SIK3: variants seen among roughly 807,000 people sequenced by gnomAD.
SIK3 encodes SIK family kinase 3.
In SIK3, 28 loss-of-function variants were observed where a neutral mutation model predicts 144.2. The observed-to-expected ratio is 0.19, with a 90% confidence interval of 0.14 to 0.27. The LOEUF (loss-of-function observed/expected upper bound fraction) is 0.27, where lower values mean the gene tolerates loss of function less well. Among genes scored for constraint, SIK3 ranks in the 10% least tolerant of loss-of-function variants. The pLI, the probability that SIK3 is intolerant of heterozygous loss-of-function variation, is 1.00. For missense variants in SIK3, 1,319 were observed against 1,776.0 expected, an observed-to-expected ratio of 0.74 and a Z score of 4.62; for synonymous variants, 686 against 676.3, an observed-to-expected ratio of 1.01 and a Z score of -0.22.
At chr11:116,964,817 G>A (rs1266344241) in intron 1 of SIK3, among the ~76,000 whole-genome samples, 1 of 152,118 alleles carries the variant, frequency 6.6e-6, no homozygotes, top group East Asian at 1.9e-4. Context: ...AGGAGGCGGA[G>A]GTTGCAGTGA....
chr11:117,020,808 T>C (rs555137579), intron 1 of SIK3, among the ~76,000 whole-genome samples: 1 of 152,328 alleles, frequency 6.6e-6, no homozygotes, highest in Non-Finnish European at 1.5e-5. Context: ...TAAAACATCC[T>C]TTCTAATGAA....
intron 1 of SIK3, among the ~76,000 whole-genome samples, chr11:116,999,704 C>T (rs113419013): frequency 0.025 from 3,818 of 152,226 alleles, 126 homozygotes; most frequent in Admixed American, 0.095. Context: ...GGATTACAGG[C>T]GTGAGCCACT....
At chr11:116,910,254 A>T (rs966359132) in intron 4 of SIK3, among the ~76,000 whole-genome samples, 1 of 152,122 alleles carries the variant, frequency 6.6e-6, no homozygotes, top group South Asian at 2.1e-4. Context: ...ACTAAAAAAA[A>T]TTAGGTTTTC....
chr11:117,005,336 G>GAAAAAAAAAAAAAAA (rs35279676), intron 1 of SIK3, among the ~76,000 whole-genome samples: 2 of 55,978 alleles, frequency 3.6e-5, no homozygotes, highest in Non-Finnish European at 6.9e-5. Flanking sequence ...CCCCGTCTCA[G>GAAAAAAAAAAAAAAA]AAAAAAAAAA....
chr11:116,906,014 T>C (rs1946011342), intron 4 of SIK3, among the ~76,000 whole-genome samples: 1 of 152,218 alleles, frequency 6.6e-6, no homozygotes, highest in South Asian at 2.1e-4. Flanking sequence ...GGTGTGAATA[T>C]AAAGGTACCA....
chr11:117,087,031 T>C (rs1042005465), intron 1 of SIK3, among the ~76,000 whole-genome samples: 16 of 150,928 alleles, frequency 1.1e-4, no homozygotes, highest in Non-Finnish European at 1.5e-5. Context: ...GTTTGGGTGA[T>C]CAAGAGTCTG....
At chr11:116,987,863 A>C (rs1025309636) in intron 1 of SIK3, among the ~76,000 whole-genome samples, 4 of 152,216 alleles carry the variant, frequency 2.6e-5, no homozygotes, top group Non-Finnish European at 5.9e-5. Context: ...GTTGAAACAC[A>C]TGCAAATACA....
intron 4 of SIK3, among the ~76,000 whole-genome samples, chr11:116,898,406 G>C (rs1162691577): frequency 6.6e-6 from 1 of 151,324 alleles, no homozygotes; most frequent in Non-Finnish European, 1.5e-5. Context: ...CCAAGTCTTT[G>C]CTATTGTGAA....
intron 3 of SIK3, among the ~76,000 whole-genome samples, chr11:116,935,226 C>A (rs1398963859): frequency 6.6e-6 from 1 of 152,002 alleles, no homozygotes; most frequent in East Asian, 1.9e-4. Context: ...CCAGCCTGGG[C>A]AACAGGGCAA....
At chr11:117,036,896 T>G (rs7951497) in intron 1 of SIK3, among the ~76,000 whole-genome samples, 150 of 152,324 alleles carry the variant, frequency 9.8e-4, no homozygotes, top group African/African-American at 3.4e-3. Context: ...AATCAATCAA[T>G]TCATTTCTAA....
intron 4 of SIK3, among the ~76,000 whole-genome samples, chr11:116,920,115 A>G (rs1335352689): frequency 6.7e-6 from 1 of 150,334 alleles, no homozygotes; most frequent in African/African-American, 2.4e-5. Flanking sequence ...CTTCTCGGGG[A>G]GACTCCTCTC....
intron 1 of SIK3, among the ~76,000 whole-genome samples, chr11:117,014,392 GAAGAT>G (rs1175451724): frequency 1.3e-5 from 2 of 152,158 alleles, no homozygotes; most frequent in Admixed American, 6.5e-5. Flanking sequence ...AAAACTTTTA[GAAGAT>G]AATATTAGAG....
intron 6 of SIK3, among the ~76,000 whole-genome samples, chr11:116,890,212 A>C (rs778692628): frequency 3.3e-5 from 5 of 152,204 alleles, no homozygotes; most frequent in Admixed American, 2.6e-4. Context: ...AATTACAGAA[A>C]GAGAATGATG....
At chr11:116,991,389 G>C (rs7122484) in intron 1 of SIK3, among the ~76,000 whole-genome samples, 10,752 of 152,278 alleles carry the variant, frequency 0.071, 670 homozygotes, top group African/African-American at 0.17. Context: ...GAAGGTTGCA[G>C]TGAGTCGAGA....
chr11:117,073,849 T>C (rs1470336918), intron 1 of SIK3, among the ~76,000 whole-genome samples: 1 of 152,246 alleles, frequency 6.6e-6, no homozygotes, highest in African/African-American at 2.4e-5. Context: ...ACCATTAACA[T>C]GTTTGCTACC....
intron 1 of SIK3, among the ~76,000 whole-genome samples, chr11:116,980,283 A>T (rs1272992396): frequency 6.6e-6 from 1 of 152,188 alleles, no homozygotes; most frequent in Middle Eastern, 3.2e-3. Context: ...AAGGGAGGGA[A>T]CACAGGCTTG....
intron 1 of SIK3, among the ~76,000 whole-genome samples, chr11:117,062,489 CAACAT>C (rs1953839096): frequency 6.6e-6 from 1 of 152,122 alleles, no homozygotes; most frequent in East Asian, 1.9e-4. Flanking sequence ...AGAAATTTAA[CAACAT>C]AACACCAAAT....
At chr11:117,055,581 C>A (rs549137140) in intron 1 of SIK3, among the ~76,000 whole-genome samples, 4 of 152,126 alleles carry the variant, frequency 2.6e-5, no homozygotes, top group Non-Finnish European at 5.9e-5. Flanking sequence ...GGACAAAATC[C>A]AGAAGAATAT....
intron 4 of SIK3, among the ~76,000 whole-genome samples, chr11:116,925,537 G>T (rs1221898440): frequency 6.6e-6 from 1 of 152,208 alleles, no homozygotes; most frequent in African/African-American, 2.4e-5. Flanking sequence ...GTGAGACCCA[G>T]CTTGGACTTC....
Sources: allele counts gnomAD v4.1 joint callset (sites outside exome capture counted in the v4.1 genomes callset), GRCh38; gene constraint gnomAD v4.1.1; transcripts MANE v1.5; gene names NCBI Gene and HGNC (gene_info 2026-07-23, HGNC 2026-07-21).